HAGH: variants seen among roughly 807,000 people sequenced by gnomAD.
HAGH encodes hydroxyacylglutathione hydrolase.
In HAGH, 29 loss-of-function variants were observed where a neutral mutation model predicts 35.1. The ratio of observed to expected loss-of-function variants is 0.83; its 90% CI spans 0.62 to 1.13. The LOEUF is 1.13. Ranked by LOEUF, HAGH falls within the 50% of genes most tolerant of loss-of-function variation. The probability of loss-of-function intolerance (pLI) is 0.00; values close to 1 mark genes in which losing one functional copy is unlikely to be tolerated. For synonymous variants in HAGH, 225 were observed against 176.1 expected (o/e 1.28, Z -2.20); for missense variants, 478 against 419.6 (o/e 1.14, Z -1.22).
intron 7 of HAGH, among the ~76,000 whole-genome samples, chr16:1,811,916 G>A (rs1330894842): frequency 6.6e-6 from 1 of 151,940 alleles, no homozygotes; most frequent in Non-Finnish European, 1.5e-5. Flanking sequence ...GAGGCCGGGT[G>A]TGGTTGGCAC....
chr16:1,809,617 G>A (rs2076448), intron 8 of HAGH, 137 bp downstream of exon 8: 553,057 of 741,450 alleles, frequency 0.75, 207,071 homozygotes, highest in Middle Eastern at 0.81. Flanking sequence ...AAGAGTGCTC[G>A]GGCTCTGCGG....
At chr16:1,809,895 G>GGTGA in intron 7 of HAGH, 62 bp from the exon 8 acceptor site, 1 of 1,259,938 alleles carries the variant, frequency 7.9e-7, no homozygotes, top group Non-Finnish European at 1.2e-6. Flanking sequence ...CAGGCACGGA[G>GGTGA]GCTCACGTCT....
In HAGH at chr16:1,825,187, G is replaced by A. The variant is rs527452507; in HGVS notation, c.76+1525C>T. 4.6e-3 allele frequency among the ~76,000 whole-genome samples: 693 copies of A among 152,202 alleles called. 15 individuals are homozygous for A. The highest frequency in any genetic ancestry group is 2.1e-3 in the Non-Finnish European group (140 of 68,006). On this transcript the variant is annotated intron_variant, in intron 1 of 8. Coordinates refer to ENST00000397356, the MANE Select transcript of HAGH (RefSeq NM_005326.6). ...ACAAAAATTAGCTGGGCGTGGTGGC[G>A]AGCGCCTGTAGTCCCAGCTACTCAG...
rs371803178 is a variant in HAGH at position 1,820,413 on chromosome 16, G to T, written c.315-399C>A. Among the ~76,000 whole-genome samples, 10 of 152,222 alleles carry T rather than the reference G, an allele frequency of 6.6e-5. No individual in the cohort carries two copies. In the East Asian group the frequency reaches 1.4e-3, roughly 21 times the overall value. Reference sequence around the variant, plus strand: ...GGGCATGGCCTGGGGGTGGATTTTTGATTTTTGAAGGCCCCCAGGTGATCC... The same window carrying T: ...GGGCATGGCCTGGGGGTGGATTTTTTATTTTTGAAGGCCCCCAGGTGATCC... On this transcript the variant is annotated intron_variant, in intron 3 of 8. Transcript: ENST00000397356.
chr16:1,819,078 G>A (rs763093121), intron 5 of HAGH, 37 bp downstream of exon 5: 11 of 1,335,290 alleles, frequency 8.2e-6, no homozygotes, highest in Middle Eastern at 2.0e-4. Context: ...GGGTCTTCAC[G>A]AAGAACCCCC....
chr16:1,817,805 C>T (rs896027326), intron 5 of HAGH, among the ~76,000 whole-genome samples: 4 of 152,342 alleles, frequency 2.6e-5, no homozygotes, highest in African/African-American at 9.6e-5. Context: ...CTGCCCAGGC[C>T]TCTGTCCCCG....
In HAGH at chr16:1,819,894, T is replaced by G. The variant is rs1898070343; in HGVS notation, c.432+3A>C. ...TGGAGCACCTCCAGGGCTCACTCCT[T>G]ACCTGCAGTGTGGACAGGTGAGTGA... On this transcript the variant is annotated splice_donor_region_variant and intron_variant, in intron 4 of 8. Transcript: ENST00000397356. 6.3e-7 allele frequency: 1 copy of G among 1,576,094 alleles called. No homozygotes were observed.
intron 7 of HAGH, among the ~76,000 whole-genome samples, chr16:1,816,551 G>A (rs749074599): frequency 6.6e-5 from 10 of 151,960 alleles, no homozygotes; most frequent in African/African-American, 1.9e-4. Context: ...TGGGGCCACC[G>A]TGGAGATAAG....
intron 1 of HAGH, among the ~76,000 whole-genome samples, chr16:1,825,828 C>T (rs1898380459): frequency 6.6e-6 from 1 of 152,236 alleles, no homozygotes; most frequent in African/African-American, 2.4e-5. Flanking sequence ...CCCGCCTCGG[C>T]CTCCCAAAGT....
rs371402818 is a variant in HAGH at position 1,817,215 on chromosome 16, T to C, written c.598A>G (p.Met200Val). Reference sequence around the variant, plus strand: ...AAGACCTCCAGCAGAGCTTTACACATCTCATCCGCAGTCCCTTCATAGAAC... The same window carrying C: ...AAGACCTCCAGCAGAGCTTTACACACCTCATCCGCAGTCCCTTCATAGAAC... ...GKFYEGTADE[M>V]CKALLEVLGR... The change falls in exon 6 of 9, where the codon ATG becomes GTG. Residue 200 changes from methionine (M) to valine (V), a missense_variant. Met to Val is a conservative substitution (Grantham distance 21). Coordinates refer to ENST00000397356, the MANE Select transcript of HAGH (RefSeq NM_005326.6). The C allele has an allele frequency of 1.2e-6, 2 of 1,613,368 alleles. No individual in the cohort carries two copies. Among genetic ancestry groups the C allele is most frequent in the Non-Finnish European group, 1.7e-6 (2 of 1,179,450 alleles).
In HAGH at chr16:1,822,374, C is replaced by G. The variant is rs758277254; in HGVS notation, c.250-10G>C. On this transcript the variant is annotated splice_polypyrimidine_tract_variant and intron_variant, in intron 2 of 8. Transcript: ENST00000397356. ...TCGCCGCGTCCACGACCTGCAGTGG[C>G]CCCGGGGAAGGACAAAGGCCTGTCA... 1 of 1,603,924 alleles carries G rather than the reference C, an allele frequency of 6.2e-7. No homozygotes were observed. Among genetic ancestry groups the G allele is most frequent in the Admixed American group, 1.7e-5 (1 of 60,012 alleles).
chr16:1,821,165 G>T (rs1026870276), intron 3 of HAGH, among the ~76,000 whole-genome samples: 1 of 152,180 alleles, frequency 6.6e-6, no homozygotes, highest in Non-Finnish European at 1.5e-5. Context: ...CAGGGAGGCT[G>T]CAGGCACCGC....
intron 7 of HAGH, among the ~76,000 whole-genome samples, chr16:1,812,832 G>A (rs910983368): frequency 1.3e-5 from 2 of 152,190 alleles, no homozygotes; most frequent in Non-Finnish European, 2.9e-5. Flanking sequence ...CTCTCACCAG[G>A]GACTGGGCTC....
At chr16:1,822,385 G>T (rs369057715) in intron 2 of HAGH, 21 bp from the exon 3 acceptor site, 1 of 1,587,616 alleles carries the variant, frequency 6.3e-7, no homozygotes, top group South Asian at 1.1e-5. Flanking sequence ...CCCGGGGAAG[G>T]ACAAAGGCCT....
chr16:1,827,164 G>T (rs559334672), upstream of HAGH: 30 of 1,531,914 alleles, frequency 2.0e-5, no homozygotes, highest in South Asian at 3.7e-4. Context: ...CGAGGCAGTT[G>T]GTCCTCTCCG....
chr16:1,820,702 G>A (rs921742513), intron 3 of HAGH, among the ~76,000 whole-genome samples: 3 of 152,136 alleles, frequency 2.0e-5, no homozygotes, highest in Non-Finnish European at 4.4e-5. Context: ...AGACTCCTTC[G>A]TGTGCCTCCC....
intron 3 of HAGH, chr16:1,822,084 C>A (rs73488031): frequency 0.014 from 7,742 of 572,008 alleles, 440 homozygotes; most frequent in African/African-American, 0.12. Flanking sequence ...AAGGCTGTAA[C>A]CTTCTCCCCT....
rs1023216276 is a variant in HAGH at position 1,816,905 on chromosome 16, C to T, written c.735G>A (p.Leu245=). 1 of 1,612,206 alleles carries T rather than the reference C, an allele frequency of 6.2e-7. No homozygotes were observed. Among genetic ancestry groups the T allele is most frequent in the South Asian group, 1.1e-5 (1 of 91,062 alleles). Residue 245 remains leucine (L), a synonymous_variant, in exon 7 of 9, where the codon CTG becomes CTA. Coordinates refer to ENST00000397356, the MANE Select transcript of HAGH (RefSeq NM_005326.6). ...CGGCCCCACTCACCTTGGCCCAGGC[C>T]AGCTTCTCCCGGATGGCGGCATTGC... ...EPGNAAIREK[L]AWAKEKYSIG...
chr16:1,811,196 C>G (rs577167037), intron 7 of HAGH, among the ~76,000 whole-genome samples: 2 of 152,270 alleles, frequency 1.3e-5, no homozygotes, highest in South Asian at 4.1e-4. Context: ...GGTGGATTGC[C>G]TGAACTCAGG....
Sources: allele counts gnomAD v4.1 joint callset (sites outside exome capture counted in the v4.1 genomes callset), GRCh38; gene constraint gnomAD v4.1.1; transcripts MANE v1.5; gene names NCBI Gene and HGNC (gene_info 2026-07-23, HGNC 2026-07-21).